RNF38: variants seen among roughly 807,000 people sequenced by gnomAD.
The protein encoded by RNF38 is E3 ubiquitin-protein ligase RNF38.
Under a neutral mutation model 67.2 loss-of-function variants are expected in RNF38, and 15 were observed. That is an observed-to-expected ratio of 0.22 (90% CI 0.15 to 0.34). RNF38 has a LOEUF of 0.34. RNF38 is among the 10% of genes least tolerant of loss of function. RNF38 has a pLI of 1.00. For missense variants in RNF38, 524 were observed against 639.9 expected (o/e 0.82, Z 1.95); for synonymous variants, 220 against 218.8 (o/e 1.01, Z -0.05).
chr9:36,458,499 G>A (rs1009776836), intron 1 of RNF38, among the ~76,000 whole-genome samples: 14 of 152,112 alleles, frequency 9.2e-5, no homozygotes, highest in African/African-American at 1.2e-4. Context: ...CACCACAAGC[G>A]TCCGCGGCTT....
At chr9:36,456,387 C>A (rs1839595980) in intron 1 of RNF38, among the ~76,000 whole-genome samples, 2 of 152,142 alleles carry the variant, frequency 1.3e-5, no homozygotes, top group Non-Finnish European at 2.9e-5. Context: ...CCATATTTAA[C>A]AGAAATTATT....
chr9:36,390,614 T>G lies in RNF38; in HGVS notation c.15A>C (p.Ile5=). The change falls in exon 2 of 12, where the codon ATA becomes ATC. Residue 5 remains isoleucine (I), a splice_region_variant and synonymous_variant. Coordinates refer to ENST00000259605, the MANE Select transcript of RNF38 (RefSeq NM_022781.5). The part of the protein sequence containing the change: MACK[I]SPGANSASLP... ...GAGATGCTGAATTGGCCCCGGGAGA[T>G]ATCTGGGAAAAAGAGGAAGAAAAGG... The G allele has an allele frequency of 1.2e-6, 2 of 1,613,674 alleles. No individual in the cohort carries two copies. Among genetic ancestry groups the G allele is most frequent in the Non-Finnish European group, 1.7e-6 (2 of 1,179,826 alleles).
intron 2 of RNF38, 50 bp downstream of exon 2, chr9:36,390,417 T>C: frequency 6.6e-7 from 1 of 1,516,438 alleles, no homozygotes; most frequent in East Asian, 2.4e-5. Context: ...AGAAACACTG[T>C]AGAATGTGAC....
At chr9:36,400,373 C>CGGGCAGCG, upstream of RNF38, 1 of 1,180,262 alleles carries the variant, frequency 8.5e-7, no homozygotes, top group East Asian at 3.8e-5. Context: ...GGCCATCTGC[C>CGGGCAGCG]GGGCAGCGGG....
intron 4 of RNF38, among the ~76,000 whole-genome samples, chr9:36,369,105 G>A (rs1043328117): frequency 6.6e-6 from 1 of 152,094 alleles, no homozygotes; most frequent in African/African-American, 2.4e-5. Context: ...CTTGCTTATT[G>A]AATTATTCCA....
intron 5 of RNF38, among the ~76,000 whole-genome samples, chr9:36,357,325 T>C (rs1166974023): frequency 6.6e-6 from 1 of 152,208 alleles, no homozygotes. Flanking sequence ...TCATCATAGG[T>C]TTCCTATAGT....
intron 1 of RNF38, among the ~76,000 whole-genome samples, chr9:36,448,775 G>A (rs1163538935): frequency 2.0e-5 from 3 of 152,092 alleles, no homozygotes; most frequent in Non-Finnish European, 4.4e-5. Flanking sequence ...AGACAGAGGC[G>A]GGCGGACTGC....
At chr9:36,406,207 C>A (rs1838178055) in intron 2 of RNF38, among the ~76,000 whole-genome samples, 1 of 152,196 alleles carries the variant, frequency 6.6e-6, no homozygotes, top group South Asian at 2.1e-4. Context: ...AGGACCATCT[C>A]CTATTTTAAG....
chr9:36,420,329 G>A (rs1970944), intron 2 of RNF38, among the ~76,000 whole-genome samples: 4,849 of 151,868 alleles, frequency 0.032, 244 homozygotes, highest in African/African-American at 0.1. Context: ...TCAGGAGATC[G>A]AGACCATCCT....
chr9:36,447,238 C>A lies in RNF38; in HGVS notation n.242-22555G>T, dbSNP rs533448107. Among the ~76,000 whole-genome samples, 6 of 152,162 alleles carry A rather than the reference C, an allele frequency of 3.9e-5. No individual in the cohort carries two copies. The South Asian group carries it at 1.2e-3, about 32-fold the overall frequency. ...CCTAATAGCCCAATTTTAGATGACTCCTCCTGTATTTACACAGACCTCTGC... is the reference window on the plus strand; with the variant it reads ...CCTAATAGCCCAATTTTAGATGACTACTCCTGTATTTACACAGACCTCTGC... On this transcript the variant is annotated intron_variant and non_coding_transcript_variant, in intron 1 of 3. Transcript: ENST00000488058.
intron 1 of RNF38, among the ~76,000 whole-genome samples, chr9:36,453,608 T>G (rs1008480627): frequency 6.6e-6 from 1 of 152,138 alleles, no homozygotes; most frequent in Admixed American, 6.6e-5. Context: ...GGTCTTGAAC[T>G]CTTGACCCCA....
chr9:36,353,243 G>C lies in RNF38; in HGVS notation c.998C>G (p.Pro333Arg). ...GFTYPPSAHP[P>R]TLPPSAPLQF... ...CAAGGGAGCTGATGGAGGTAATGTT[G>C]GGGGGTGGGCTGATGGAGGGTAAGT... The change falls in exon 7 of 12, where the codon CCA becomes CGA. Residue 333 changes from proline to arginine, a missense_variant. Physicochemically the swap from Pro to Arg is moderately radical, Grantham distance 103. This residue lies in a region of RNF38 where 461 missense variants were observed against 517.4 expected (regional missense o/e 0.89). Coordinates refer to ENST00000259605, the MANE Select transcript of RNF38 (RefSeq NM_022781.5). The C allele has an allele frequency of 6.2e-7, 1 of 1,612,446 alleles. No homozygotes were observed. The highest frequency in any genetic ancestry group is 2.2e-5 in the East Asian group (1 of 44,866).
At chr9:36,472,699 A>T (rs981817983) in intron 1 of RNF38, among the ~76,000 whole-genome samples, 1 of 152,186 alleles carries the variant, frequency 6.6e-6, no homozygotes, top group African/African-American at 2.4e-5. Flanking sequence ...CCCAGCCAAG[A>T]AGTTTTTCTT....
intron 1 of RNF38, among the ~76,000 whole-genome samples, chr9:36,484,181 C>T (rs970648574): frequency 1.3e-5 from 2 of 152,210 alleles, no homozygotes; most frequent in Non-Finnish European, 2.9e-5. Flanking sequence ...CCTGATATAT[C>T]AGAATGTCCT....
intron 1 of RNF38, among the ~76,000 whole-genome samples, chr9:36,483,000 G>GAGT (rs1382831746): frequency 6.6e-6 from 1 of 152,196 alleles, no homozygotes; most frequent in Non-Finnish European, 1.5e-5. Context: ...TTGGTAAGTG[G>GAGT]AGTACAGAAT....
chr9:36,431,279 A>G (rs1023428664), intron 1 of RNF38, among the ~76,000 whole-genome samples: 1 of 152,244 alleles, frequency 6.6e-6, no homozygotes, highest in Non-Finnish European at 1.5e-5. Context: ...GAGTCAGGCT[A>G]TATGGTATAC....
intron 1 of RNF38, among the ~76,000 whole-genome samples, chr9:36,438,646 G>C (rs1423386941): frequency 6.6e-6 from 1 of 152,024 alleles, no homozygotes; most frequent in Non-Finnish European, 1.5e-5. Context: ...TCACGGTGCT[G>C]AACAAAAGAC....
At chr9:36,372,022 C>T (rs1042707719) in intron 3 of RNF38, among the ~76,000 whole-genome samples, 1 of 151,760 alleles carries the variant, frequency 6.6e-6, no homozygotes, top group Non-Finnish European at 1.5e-5. Flanking sequence ...CCTCTGCCTC[C>T]TGGGTTCAAG....
intron 1 of RNF38, among the ~76,000 whole-genome samples, chr9:36,453,159 T>G (rs1839500366): frequency 6.6e-6 from 1 of 152,180 alleles, no homozygotes; most frequent in African/African-American, 2.4e-5. Context: ...TGACAACGTG[T>G]TGTTGTCTGT....
Sources: allele counts gnomAD v4.1 joint callset (sites outside exome capture counted in the v4.1 genomes callset), GRCh38; gene constraint gnomAD v4.1.1; regional missense constraint gnomAD v4.1.1; transcripts MANE v1.5; gene names NCBI Gene and HGNC (gene_info 2026-07-23, HGNC 2026-07-21).